Variants in PDE10A observed in about 807,000 individuals in gnomAD.
PDE10A encodes the protein cAMP and cAMP-inhibited cGMP 3',5'-cyclic phosphodiesterase 10A.
PDE10A carries 39 observed loss-of-function variants against 97.7 expected under a neutral mutation model. The observed-to-expected ratio is 0.40, with a 90% confidence interval of 0.31 to 0.52. PDE10A has a LOEUF of 0.52. PDE10A is among the 20% of genes least tolerant of loss of function. The probability of loss-of-function intolerance (pLI) is 0.56; values close to 1 mark genes in which losing one functional copy is unlikely to be tolerated. For missense variants in PDE10A, 731 were observed against 1,047.8 expected, an observed-to-expected ratio of 0.70 and a Z score of 4.17; for synonymous variants, 371 against 376.8, an observed-to-expected ratio of 0.98 and a Z score of 0.18.
chr6:165,493,584 G>A (rs1052581602), intron 2 of PDE10A, among the ~76,000 whole-genome samples: 2 of 152,006 alleles, frequency 1.3e-5, no homozygotes, highest in Admixed American at 6.6e-5. Context: ...TATAAAGTGG[G>A]GAAAGAACAC....
At chr6:165,707,494 A>G (rs1298037878) in intron 1 of PDE10A, among the ~76,000 whole-genome samples, 1 of 152,182 alleles carries the variant, frequency 6.6e-6, no homozygotes, top group Non-Finnish European at 1.5e-5. Context: ...GGTTAACTTA[A>G]CTACGGCAGC....
chr6:165,705,904 A>G lies in PDE10A; in HGVS notation c.-614-162336T>C, dbSNP rs150476247. On this transcript the variant is annotated intron_variant, in intron 1 of 19. Coordinates refer to the PDE10A transcript ENST00000366882. ...TAATAGCAGAAGTGTAAGAGAAGGA[A>G]AAATGGATTTGCCCAAAATCTAAGC... 2.7e-3 allele frequency among the ~76,000 whole-genome samples: 404 copies of G among 152,342 alleles called. 4 individuals carry two copies. The highest frequency in any genetic ancestry group is 1.3e-3 in the Non-Finnish European group (91 of 68,032).
intron 1 of PDE10A, among the ~76,000 whole-genome samples, chr6:165,804,645 G>A (rs943047084): frequency 1.3e-5 from 2 of 152,134 alleles, no homozygotes; most frequent in Non-Finnish European, 2.9e-5. Context: ...CGGGGGCCTT[G>A]GCCTGCAGGC....
At chr6:165,692,705 T>C (rs1438355455) in intron 1 of PDE10A, among the ~76,000 whole-genome samples, 1 of 152,222 alleles carries the variant, frequency 6.6e-6, no homozygotes, top group African/African-American at 2.4e-5. Context: ...CTGCTAACCT[T>C]AGACAGCAGG....
rs192556213 is a variant in PDE10A, at chr6:165,392,918, C to T, written c.2304-122G>A. On this transcript the variant is annotated intron_variant, in intron 15 of 21. Coordinates refer to ENST00000539869, the MANE Select transcript of PDE10A (RefSeq NM_001385079.1). The stretch of plus-strand genomic sequence containing the variant: ...ATACATTTGCAACTCTAAAGATTTC[C>T]ACCCTGACTGAATCCATGAGCACTG... 1.8e-3 allele frequency: 1,461 copies of T among 804,086 alleles called. 6 individuals carry two copies. Among genetic ancestry groups the T allele is most frequent in the South Asian group, 6.2e-3 (378 of 61,302 alleles). The allele number at this position is 804,086 out of a possible 1,614,324, so 49.8% of individuals were successfully genotyped here.
chr6:165,465,082 C>T (rs887058552), intron 3 of PDE10A, among the ~76,000 whole-genome samples: 2 of 152,084 alleles, frequency 1.3e-5, no homozygotes, highest in African/African-American at 4.8e-5. Context: ...AGAAGTTACC[C>T]CCCTTTTTTC....
chr6:165,806,335 C>G (rs149560941), intron 1 of PDE10A, among the ~76,000 whole-genome samples: 3 of 152,152 alleles, frequency 2.0e-5, no homozygotes, highest in African/African-American at 7.2e-5. Context: ...CAAGGCTCCG[C>G]GTTCTCCATC....
chr6:165,865,849 T>C (rs1265851556), intron 1 of PDE10A, among the ~76,000 whole-genome samples: 1 of 152,054 alleles, frequency 6.6e-6, no homozygotes, highest in Non-Finnish European at 1.5e-5. Flanking sequence ...AGTAAAGTAA[T>C]AGAAACCCTA....
intron 1 of PDE10A, among the ~76,000 whole-genome samples, chr6:165,864,896 T>C (rs1780998414): frequency 6.6e-6 from 1 of 152,238 alleles, no homozygotes; most frequent in African/African-American, 2.4e-5. Flanking sequence ...ATACTATGTG[T>C]ACAGCATGGT....
intron 18 of PDE10A, among the ~76,000 whole-genome samples, chr6:165,355,457 T>G (rs1782965533): frequency 6.6e-6 from 1 of 152,220 alleles, no homozygotes; most frequent in Non-Finnish European, 1.5e-5. Context: ...TAGTATCATA[T>G]AGTAGTATGT....
intron 3 of PDE10A, among the ~76,000 whole-genome samples, chr6:165,467,821 T>G (rs1394623737): frequency 6.6e-6 from 1 of 152,182 alleles, no homozygotes; most frequent in Non-Finnish European, 1.5e-5. Flanking sequence ...TGTTCTACTG[T>G]GGGCAAAAAT....
chr6:165,749,243 CA>C (rs1792919620), intron 1 of PDE10A, among the ~76,000 whole-genome samples: 1 of 71,598 alleles, frequency 1.4e-5, no homozygotes, highest in African/African-American at 5.1e-5. Context: ...ACCACCATCA[CA>C]TCACCATCAT....
chr6:165,539,098 T>TTA (rs1479334310), intron 2 of PDE10A, among the ~76,000 whole-genome samples: 1 of 152,234 alleles, frequency 6.6e-6, no homozygotes, highest in African/African-American at 2.4e-5. Flanking sequence ...GAGGAAGTTT[T>TTA]TATATATTCC....
intron 1 of PDE10A, among the ~76,000 whole-genome samples, chr6:165,592,776 C>CAT (rs1435242199): frequency 6.6e-5 from 10 of 152,022 alleles, no homozygotes; most frequent in Non-Finnish European, 2.9e-5. Flanking sequence ...TTAAAATGGC[C>CAT]ATCATTAAAA....
intron 18 of PDE10A, among the ~76,000 whole-genome samples, chr6:165,350,611 C>T (rs962064710): frequency 1.3e-5 from 2 of 152,140 alleles, no homozygotes; most frequent in African/African-American, 4.8e-5. Flanking sequence ...TGGAAGGGGG[C>T]AGGGGCAGAA....
chr6:165,795,432 A>C (rs1267614053), intron 1 of PDE10A, among the ~76,000 whole-genome samples: 1 of 152,142 alleles, frequency 6.6e-6, no homozygotes, highest in Non-Finnish European at 1.5e-5. Context: ...ACTGGCATAA[A>C]AATGGGTCAA....
rs184454863 is a variant in PDE10A at position 165,511,614 on chromosome 6, G to A, written c.995-29271C>T. Among the ~76,000 whole-genome samples, 274 of 152,018 alleles carry A rather than the reference G, an allele frequency of 1.8e-3. 1 individual carries two copies. The highest frequency in any genetic ancestry group is 6.2e-3 in the African/African-American group (256 of 41,520). ...TAATGCTGACTTCTGACAGGCGGAT[G>A]TTGAAATTCCCCACTCTCATTGTAT... On this transcript the variant is annotated intron_variant, in intron 2 of 21. Transcript: ENST00000539869.
intron 2 of PDE10A, among the ~76,000 whole-genome samples, chr6:165,517,348 A>G (rs147296641): frequency 1.9e-3 from 286 of 152,296 alleles, no homozygotes; most frequent in African/African-American, 6.4e-3. Flanking sequence ...TTATCATTCA[A>G]ATTTCATCAG....
At chr6:165,669,910 C>G (rs867798957) in intron 1 of PDE10A, among the ~76,000 whole-genome samples, 57 of 152,198 alleles carry the variant, frequency 3.7e-4, no homozygotes, top group African/African-American at 1.3e-3. Flanking sequence ...AAAGAATACA[C>G]CAAGGCTAAG....
Sources: allele counts gnomAD v4.1 joint callset (sites outside exome capture counted in the v4.1 genomes callset), GRCh38; gene constraint gnomAD v4.1.1; transcripts MANE v1.5; gene names NCBI Gene and HGNC (gene_info 2026-07-23, HGNC 2026-07-21).